TNNT3: variants seen among roughly 807,000 people sequenced by gnomAD.
TNNT3 encodes the protein troponin T, fast skeletal muscle.
Under a neutral mutation model 54.2 loss-of-function variants are expected in TNNT3, and 36 were observed. The observed-to-expected ratio is 0.66, with a 90% CI of 0.51 to 0.88. TNNT3 has a LOEUF of 0.88. Ranked by LOEUF, TNNT3 falls within the 40% of genes least tolerant of loss-of-function variation. The probability of loss-of-function intolerance (pLI) is 0.00; values close to 1 mark genes in which losing one functional copy is unlikely to be tolerated. For synonymous variants in TNNT3, 120 were observed against 109.7 expected, an observed-to-expected ratio of 1.09 and a Z score of -0.59; for missense variants, 291 against 331.6, an observed-to-expected ratio of 0.88 and a Z score of 0.95.
chr11:1,933,866 G>C (rs764557261), intron 10 of TNNT3, 29 bp downstream of exon 10: 2 of 1,612,056 alleles, frequency 1.2e-6, no homozygotes, highest in East Asian at 4.5e-5. Context: ...GTTGCAGCAG[G>C]GGCTGGTGGA....
chr11:1,936,995 C>T lies in TNNT3; in HGVS notation c.714C>T (p.Ala238=). 1 of 1,605,348 alleles carries T rather than the reference C, an allele frequency of 6.2e-7. No homozygotes were observed. Among genetic ancestry groups the T allele is most frequent in the South Asian group, 1.1e-5 (1 of 89,754 alleles). The part of the protein sequence containing the change: ...ITTLRSRIDQ[A]QKHSKKAGTP... ...CGCTCAGGAGCCGCATTGACCAGGC[C>T]CAGAAGCAGTGAGTAGCCCTGCCGT... Residue 238 remains alanine (A), a synonymous_variant, in exon 15 of 16, where the codon GCC becomes GCT. Transcript: ENST00000278317.
In TNNT3 at chr11:1,926,715, C is replaced by A; in HGVS notation, c.82+6C>A. On this transcript the variant is annotated splice_donor_region_variant and intron_variant, in intron 6 of 15. Coordinates refer to ENST00000278317, the MANE Select transcript of TNNT3 (RefSeq NM_006757.4). Reference sequence around the variant, plus strand: ...TGCAGAGGAAGTTCAAGAAGGTACGCCGGCGCTCCCCCGCCTCCAGGCCAG... The same window carrying A: ...TGCAGAGGAAGTTCAAGAAGGTACGACGGCGCTCCCCCGCCTCCAGGCCAG... 6.2e-7 allele frequency: 1 copy of A among 1,613,220 alleles called. No individual in the cohort carries two copies. Among genetic ancestry groups the A allele is most frequent in the African/African-American group, 1.3e-5 (1 of 75,044 alleles).
At chr11:1,925,026 C>A (rs953335878) in intron 4 of TNNT3, 73 bp from the exon 5 acceptor site, 2 of 1,573,762 alleles carry the variant, frequency 1.3e-6, no homozygotes, top group African/African-American at 2.7e-5. Context: ...CCTGAGTACA[C>A]TCTGATCACT....
chr11:1,922,160 C>T (rs991727032), intron 1 of TNNT3, among the ~76,000 whole-genome samples: 5 of 152,200 alleles, frequency 3.3e-5, no homozygotes, highest in Non-Finnish European at 7.3e-5. Context: ...GGGGCTCAGC[C>T]TCAATGTTTT....
chr11:1,922,555 G>T (rs1230987022), intron 1 of TNNT3, among the ~76,000 whole-genome samples: 3 of 152,134 alleles, frequency 2.0e-5, no homozygotes, highest in African/African-American at 7.2e-5. Flanking sequence ...TGCCCTGGGT[G>T]GGGGTGGACG....
At chr11:1,922,798 C>T in intron 1 of TNNT3, 59 bp from the exon 2 acceptor site, 1 of 1,550,510 alleles carries the variant, frequency 6.4e-7, no homozygotes, top group Admixed American at 1.7e-5. Flanking sequence ...TACACCCAGG[C>T]AGCTCGTAAC....
chr11:1,922,105 G>A (rs965869586), intron 1 of TNNT3, among the ~76,000 whole-genome samples: 1 of 144,080 alleles, frequency 6.9e-6, no homozygotes, highest in Admixed American at 6.7e-5. Context: ...AGCCCGGCCC[G>A]GGGGGGTGCA....
At chr11:1,936,914 C>T (rs953288329) in intron 14 of TNNT3, 49 bp from the exon 15 acceptor site, 5 of 1,569,942 alleles carry the variant, frequency 3.2e-6, no homozygotes, top group Admixed American at 3.7e-5. Flanking sequence ...CCAGTACACG[C>T]AGGCCTGGCC....
At position 1,934,916 on chromosome 11, in the gene TNNT3, T is replaced by G; in HGVS notation, c.678T>G (p.Tyr226Ter). Reference protein sequence around the residue: ...EFGEKLKRQKYDITTLRSRID... With the variant: ...EFGEKLKRQK ...GGGAGAAGCTGAAACGCCAGAAATA[T>G]GACGTGAGTCCCGGCACCTCCGGCC... The change falls in exon 14 of 16, where the codon TAT becomes TAG. Residue 226 changes from tyrosine (Y) to a stop codon, truncating the protein, a stop_gained. Transcript: ENST00000278317. LOFTEE classifies it high-confidence loss of function. 1.2e-6 allele frequency: 2 copies of G among 1,613,412 alleles called. No homozygotes were observed. The highest frequency in any genetic ancestry group is 1.7e-6 in the Non-Finnish European group (2 of 1,179,966).
At chr11:1,937,572 C>T (rs1219986019) in intron 15 of TNNT3, among the ~76,000 whole-genome samples, 1 of 152,172 alleles carries the variant, frequency 6.6e-6, no homozygotes, top group Non-Finnish European at 1.5e-5. Flanking sequence ...CCCAGGGTGC[C>T]CCCGGCGATG....
intron 13 of TNNT3, 58 bp downstream of exon 13, chr11:1,934,713 G>A (rs990926338): frequency 1.0e-5 from 16 of 1,600,314 alleles, no homozygotes; most frequent in Non-Finnish European, 1.1e-5. Context: ...AGGAGCTGCC[G>A]ACTGCTCCTC....
At position 1,937,018 on chromosome 11, in the gene TNNT3, C is replaced by T. The variant is rs201336939; in HGVS notation, c.722+15C>T. ...GCCCAGAAGCAGTGAGTAGCCCTGCCGTCCTCGCTCCGCACTGGGCACAGG... is the reference window on the plus strand; with the variant it reads ...GCCCAGAAGCAGTGAGTAGCCCTGCTGTCCTCGCTCCGCACTGGGCACAGG... On this transcript the variant is annotated intron_variant, in intron 15 of 15. Transcript: ENST00000278317. The T allele has an allele frequency of 5.3e-5, 84 of 1,589,260 alleles. No homozygotes were observed. The Admixed American group carries it at 5.8e-4, about 11-fold the overall frequency.
chr11:1,925,033 C>A (rs757508923), intron 4 of TNNT3, 66 bp from the exon 5 acceptor site: 2 of 1,586,394 alleles, frequency 1.3e-6, no homozygotes, highest in Non-Finnish European at 1.7e-6. Context: ...ACACTCTGAT[C>A]ACTGTCTCTG....
rs367658497 is a variant in TNNT3 at position 1,934,905 on chromosome 11, C to A, written c.667C>A (p.Arg223Ser). The part of the protein sequence containing the change: ...DKFEFGEKLK[R>S]QKYDITTLRS... ...GTTCGAGTTTGGGGAGAAGCTGAAA[C>A]GCCAGAAATATGACGTGAGTCCCGG... Residue 223 changes from arginine (R) to serine (S), a missense_variant, in exon 14 of 16, where the codon CGC (arginine) becomes AGC (serine). Coordinates refer to ENST00000278317, the MANE Select transcript of TNNT3 (RefSeq NM_006757.4). The A allele has an allele frequency of 1.2e-6, 2 of 1,613,442 alleles. No individual in the cohort carries two copies. The highest frequency in any genetic ancestry group is 1.7e-6 in the Non-Finnish European group (2 of 1,180,026).
At chr11:1,922,698 A>G (rs1850367115) in intron 1 of TNNT3, 159 bp from the exon 2 acceptor site, 2 of 696,336 alleles carry the variant, frequency 2.9e-6, no homozygotes, top group African/African-American at 3.5e-5. Context: ...GGGGAGGCCC[A>G]AGGAGGTGGA....
intron 11 of TNNT3, 31 bp downstream of exon 11, chr11:1,934,039 C>G: frequency 6.3e-7 from 1 of 1,599,822 alleles, no homozygotes; most frequent in Non-Finnish European, 8.5e-7. Flanking sequence ...GCTGCCTCAT[C>G]AGAGAATGAG....
rs200857840 is a variant in TNNT3, at chr11:1,933,954, G to A, written c.312G>A (p.Ala104=). ...AGGAGAAGCGCCGTGCAGAGAGAGCGGAGCAGCAGAGGATTCGTGCAGAGA... is the reference window on the plus strand; with the variant it reads ...AGGAGAAGCGCCGTGCAGAGAGAGCAGAGCAGCAGAGGATTCGTGCAGAGA... ...ERIEKRRAER[A]EQQRIRAEKE... is the part of the protein sequence containing the mutation. Residue 104 remains alanine, a synonymous_variant, in exon 11 of 16, where the codon GCG becomes GCA. Coordinates refer to ENST00000278317, the MANE Select transcript of TNNT3 (RefSeq NM_006757.4). The A allele has an allele frequency of 2.4e-5, 39 of 1,612,612 alleles. No individual in the cohort carries two copies. Among genetic ancestry groups the A allele is most frequent in the African/African-American group, 2.0e-4 (15 of 74,922 alleles).
At chr11:1,922,760 C>A in intron 1 of TNNT3, 97 bp from the exon 2 acceptor site, 1 of 1,263,886 alleles carries the variant, frequency 7.9e-7, no homozygotes, top group East Asian at 2.3e-5. Context: ...TCCCCCACAG[C>A]GCTGCTCCAA....
chr11:1,926,556 G>T (rs942414742), intron 5 of TNNT3, 139 bp from the exon 6 acceptor site: 16 of 1,610,818 alleles, frequency 9.9e-6, no homozygotes, highest in Non-Finnish European at 1.4e-5. Context: ...AGGAACAAGA[G>T]GGGCCGCGTA....
Sources: allele counts gnomAD v4.1 joint callset (sites outside exome capture counted in the v4.1 genomes callset), GRCh38; gene constraint gnomAD v4.1.1; transcripts MANE v1.5; gene names NCBI Gene and HGNC (gene_info 2026-07-23, HGNC 2026-07-21).